The following SPTLC3 variants were observed in gnomAD, a reference collection of about 807,000 sequenced individuals.
SPTLC3 encodes the protein serine palmitoyltransferase 3.
In SPTLC3, 36 loss-of-function variants were observed where a neutral mutation model predicts 59.3. The observed-to-expected ratio is 0.61, with a 90% confidence interval of 0.47 to 0.80. The LOEUF (loss-of-function observed/expected upper bound fraction) is 0.80, where lower values mean the gene tolerates loss of function less well. SPTLC3 is among the 30% of genes least tolerant of loss of function. The pLI, the probability that SPTLC3 is intolerant of heterozygous loss-of-function variation, is 0.00. For synonymous variants in SPTLC3, 257 were observed against 240.8 expected (o/e 1.07, Z -0.62); for missense variants, 625 against 685.1 (o/e 0.91, Z 0.98).
At chr20:13,108,193 A>G (rs933875095) in intron 6 of SPTLC3, among the ~76,000 whole-genome samples, 2 of 152,088 alleles carry the variant, frequency 1.3e-5, no homozygotes, top group African/African-American at 4.8e-5. Flanking sequence ...GTCCTATCCC[A>G]CTCCAAGTCA....
chr20:13,151,882 A>G (rs1419070244), intron 9 of SPTLC3, among the ~76,000 whole-genome samples: 1 of 151,962 alleles, frequency 6.6e-6, no homozygotes, highest in Non-Finnish European at 1.5e-5. Context: ...GGGGCCCTAG[A>G]CTCCAACCTA....
intron 2 of SPTLC3, among the ~76,000 whole-genome samples, chr20:13,065,656 AT>A (rs1290632730): frequency 7.3e-5 from 11 of 151,444 alleles, no homozygotes; most frequent in African/African-American, 2.7e-4. Flanking sequence ...TTCCTGCCAT[AT>A]TTTTTACATT....
chr20:13,098,140 A>C (rs920749725), intron 6 of SPTLC3, among the ~76,000 whole-genome samples: 15 of 152,174 alleles, frequency 9.9e-5, no homozygotes, highest in Non-Finnish European at 2.1e-4. Flanking sequence ...CTAAAGTAAA[A>C]CTATCTGGCT....
chr20:13,160,279 G>T (rs2038868684), intron 11 of SPTLC3, 147 bp downstream of exon 11: 2 of 957,212 alleles, frequency 2.1e-6, no homozygotes, highest in African/African-American at 3.3e-5. Context: ...CAAAAAACAA[G>T]AGCTCGTCAA....
Position 13,049,142 on chromosome 20 carries a change from C to T in SPTLC3, c.303+12C>T, listed in dbSNP as rs6078899. On this transcript the variant is annotated intron_variant, in intron 2 of 11. Coordinates refer to ENST00000399002, the MANE Select transcript of SPTLC3 (RefSeq NM_018327.4). Reference sequence around the variant, plus strand: ...GAAAAGAACAAAAAGTACGTATGCGCACCTCCCTGGATCTTTGTCAATGCC... The same window carrying T: ...GAAAAGAACAAAAAGTACGTATGCGTACCTCCCTGGATCTTTGTCAATGCC... The T allele has an allele frequency of 0.28, 442,714 of 1,609,026 alleles. 64,645 individuals are homozygous for T. Among genetic ancestry groups the T allele is most frequent in the East Asian group, 0.46 (20,751 of 44,694 alleles).
At chr20:13,045,753 C>G (rs1201611868) in intron 1 of SPTLC3, among the ~76,000 whole-genome samples, 3 of 152,086 alleles carry the variant, frequency 2.0e-5, no homozygotes, top group Non-Finnish European at 4.4e-5. Flanking sequence ...GTCACAGGGG[C>G]AAGTAAATAG....
At chr20:13,017,261 T>G (rs952573728) in intron 1 of SPTLC3, among the ~76,000 whole-genome samples, 2 of 152,200 alleles carry the variant, frequency 1.3e-5, no homozygotes, top group Admixed American at 6.5e-5. Context: ...CAATAGGCAA[T>G]GTTATTCACT....
intron 1 of SPTLC3, among the ~76,000 whole-genome samples, chr20:13,024,480 T>A (rs1986051226): frequency 6.6e-6 from 1 of 152,190 alleles, no homozygotes; most frequent in South Asian, 2.1e-4. Flanking sequence ...TCTAAACCCT[T>A]CAGCATGCAT....
rs181758781 is a variant in SPTLC3, at chr20:13,091,707, A to G, written c.732+500A>G. ...ATCTTGTCATGATATTGCTGATTAT[A>G]TAATTGCAGCCCTAGACATGGGTCA... On this transcript the variant is annotated intron_variant, in intron 5 of 11. Transcript: ENST00000399002. Among the ~76,000 whole-genome samples, 37 of 152,314 alleles carry G rather than the reference A, an allele frequency of 2.4e-4. No homozygotes were observed. The East Asian group carries it at 6.4e-3, about 26-fold the overall frequency.
intron 2 of SPTLC3, among the ~76,000 whole-genome samples, chr20:13,060,400 AT>A (rs1285573801): frequency 8.2e-5 from 12 of 146,884 alleles, no homozygotes; most frequent in African/African-American, 2.6e-4. Context: ...TTATTTATTT[AT>A]TTATTTATTT....
In SPTLC3 at chr20:13,098,370, C is replaced by T. The variant is rs113257757; in HGVS notation, c.826+4793C>T. On this transcript the variant is annotated intron_variant, in intron 6 of 11. Coordinates refer to ENST00000399002, the MANE Select transcript of SPTLC3 (RefSeq NM_018327.4). The stretch of plus-strand genomic sequence containing the variant: ...AGACATAGCTATAAATATGCATAGA[C>T]GAGATGATTAAGCAAATGGGATAAA... 5.9e-4 allele frequency among the ~76,000 whole-genome samples: 89 copies of T among 152,120 alleles called. 1 individual carries two copies. The highest frequency in any genetic ancestry group is 3.4e-3 in the Middle Eastern group (1 of 294).
At chr20:13,100,318 G>A (rs1160363981) in intron 6 of SPTLC3, among the ~76,000 whole-genome samples, 3 of 152,116 alleles carry the variant, frequency 2.0e-5, no homozygotes, top group Non-Finnish European at 4.4e-5. Flanking sequence ...ATGAATACCT[G>A]AGAAGACTAA....
Position 13,052,378 on chromosome 20 carries a change from C to G in SPTLC3, c.303+3248C>G, listed in dbSNP as rs571700831. 2.6e-5 allele frequency among the ~76,000 whole-genome samples: 4 copies of G among 152,282 alleles called. No individual in the cohort carries two copies. The South Asian group carries it at 8.3e-4, about 32-fold the overall frequency. On this transcript the variant is annotated intron_variant, in intron 2 of 11. Transcript: ENST00000399002. ...CTTTTCCCACAGTCTTCACAACCCG[C>G]AGACCAGGAGATTCCCTCAGGCGCC...
intron 1 of SPTLC3, among the ~76,000 whole-genome samples, chr20:13,012,443 A>G (rs773048099): frequency 5.3e-4 from 81 of 152,196 alleles, no homozygotes; most frequent in Non-Finnish European, 7.2e-4. Context: ...AGAAGTTTAC[A>G]ATTTATCTGT....
chr20:13,158,123 T>C (rs928633814), intron 10 of SPTLC3, among the ~76,000 whole-genome samples: 4 of 152,236 alleles, frequency 2.6e-5, no homozygotes, highest in Admixed American at 2.0e-4. Flanking sequence ...CCCCTGTTCA[T>C]GTAATACACT....
intron 3 of SPTLC3, chr20:13,074,012 T>G (rs553468242): frequency 2.7e-5 from 17 of 626,846 alleles, no homozygotes; most frequent in South Asian, 2.2e-4. Context: ...GATAGTCCTG[T>G]CTCCATCCAG....
chr20:13,025,131 A>G (rs1986080357), intron 1 of SPTLC3, among the ~76,000 whole-genome samples: 1 of 152,210 alleles, frequency 6.6e-6, no homozygotes. Flanking sequence ...TCACCACGTC[A>G]GAGAAAATAA....
At chr20:13,032,484 A>G (rs1226221574) in intron 1 of SPTLC3, among the ~76,000 whole-genome samples, 1 of 151,928 alleles carries the variant, frequency 6.6e-6, no homozygotes, top group African/African-American at 2.4e-5. Context: ...ATTCCAGTGG[A>G]CTCTATACAG....
At chr20:13,132,950 G>A in intron 9 of SPTLC3, 1 of 153,672 alleles carries the variant, frequency 6.5e-6, no homozygotes, top group Non-Finnish European at 1.4e-5. Context: ...CCTGTCCTCT[G>A]CCTCCTTGCT....
Sources: allele counts gnomAD v4.1 joint callset (sites outside exome capture counted in the v4.1 genomes callset), GRCh38; gene constraint gnomAD v4.1.1; transcripts MANE v1.5; gene names NCBI Gene and HGNC (gene_info 2026-07-23, HGNC 2026-07-21).